The following SLC25A6 variants were observed in gnomAD, a reference collection of about 807,000 sequenced individuals.
The protein encoded by SLC25A6 is solute carrier family 25 member 6, also known as ADP/ATP translocase 3.
Under a neutral mutation model 25.7 loss-of-function variants are expected in SLC25A6, and 9 were observed. That is an observed-to-expected ratio of 0.35 (90% confidence interval 0.21 to 0.61). The LOEUF is 0.61. SLC25A6 is among the 20% of genes least tolerant of loss of function. SLC25A6 has a pLI of 0.76. For synonymous variants in SLC25A6, 223 were observed against 197.0 expected (o/e 1.13, Z -1.11); for missense variants, 404 against 440.5 (o/e 0.92, Z 0.74).
In SLC25A6 at chrX:1,386,591, G is replaced by A. The variant is rs1842172628; in HGVS notation, c.*11C>T. ...CTGGTGTGTGTGTGTGTGTGGAGGAGGCCGCGGCCCTTAGATCACCTTCTT... is the reference window on the plus strand; with the variant it reads ...CTGGTGTGTGTGTGTGTGTGGAGGAAGCCGCGGCCCTTAGATCACCTTCTT... On this transcript the variant is annotated 3_prime_UTR_variant, in exon 4 of 4. Transcript: ENST00000381401. 6.5e-7 allele frequency: 1 copy of A among 1,542,916 alleles called. No homozygotes were observed. The highest frequency in any genetic ancestry group is 1.3e-5 in the South Asian group (1 of 78,952).
At chrX:1,391,767 G>C (rs1399561396) in intron 1 of SLC25A6, 132 bp downstream of exon 1, 5 of 651,200 alleles carry the variant, frequency 7.7e-6, no homozygotes, top group African/African-American at 3.9e-5. Context: ...AGCCGGCGGC[G>C]CGTGGACAAA....
intron 1 of SLC25A6, among the ~76,000 whole-genome samples, chrX:1,391,248 C>A (rs1228233342): frequency 6.6e-6 from 1 of 152,210 alleles, no homozygotes; most frequent in Non-Finnish European, 1.5e-5. Context: ...CGGGCGTGAC[C>A]TGTCCTTGCA....
In SLC25A6 at chrX:1,387,300, T is replaced by A. The variant is rs755639289; in HGVS notation, c.718A>T (p.Met240Leu). The change falls in exon 3 of 4, where the codon ATG becomes TTG. Residue 240 changes from methionine (M) to leucine (L), a missense_variant. Coordinates refer to ENST00000381401, the MANE Select transcript of SLC25A6 (RefSeq NM_001636.4). Reference protein sequence around the residue: ...PFDTVRRRMMMQSGRKGADIM... With the variant: ...PFDTVRRRMMLQSGRKGADIM... ...GTACCTCCTTTGCGCCCGGACTGCA[T>A]CATCATGCGCCGCCGCACCGTGTCG... 2 of 1,612,866 alleles carry A rather than the reference T, an allele frequency of 1.2e-6. No homozygotes were observed. The highest frequency in any genetic ancestry group is 1.7e-6 in the Non-Finnish European group (2 of 1,179,684).
At chrX:1,389,173 C>A in intron 2 of SLC25A6, 68 bp downstream of exon 2, 1 of 1,544,902 alleles carries the variant, frequency 6.5e-7, no homozygotes, top group Non-Finnish European at 8.8e-7. Flanking sequence ...CTTCAGCCCA[C>A]AGGACCCTGG....
chrX:1,390,368 T>G (rs2089385677), intron 1 of SLC25A6: 1 of 153,668 alleles, frequency 6.5e-6, no homozygotes, highest in Non-Finnish European at 1.4e-5. Flanking sequence ...GAGGCTGAGG[T>G]GGGTGGATCA....
rs765839745 is a variant in SLC25A6, at chrX:1,386,396, G to A, written c.*206C>T. On this transcript the variant is annotated 3_prime_UTR_variant, in exon 4 of 4. Coordinates refer to ENST00000381401, the MANE Select transcript of SLC25A6 (RefSeq NM_001636.4). ...GGACGCCACGGTTCCCTCCCACCCC[G>A]TGATCAAGACACGGAATCGGCTGCC... 1.5e-5 allele frequency: 9 copies of A among 601,736 alleles called. No homozygotes were observed. The highest frequency in any genetic ancestry group is 6.8e-5 in the East Asian group (2 of 29,432). 37.3% of individuals were successfully genotyped at this position (601,736 alleles called of 1,614,324 possible). A position where few individuals can be genotyped will look rare whatever the true frequency, so the allele number is the denominator to read the frequency against.
At chrX:1,390,382 C>T (rs1286438447) in intron 1 of SLC25A6, 36 of 154,090 alleles carry the variant, frequency 2.3e-4, no homozygotes, top group Admixed American at 5.1e-4. Flanking sequence ...TGGATCACGA[C>T]GTCAGGAGAT....
intron 2 of SLC25A6, 53 bp downstream of exon 2, chrX:1,389,188 A>G (rs1253081982): frequency 6.4e-7 from 1 of 1,574,128 alleles, no homozygotes; most frequent in African/African-American, 1.3e-5. Context: ...CCCTGGGGGA[A>G]CGTCTGTGTG....
rs73624899 is a variant in SLC25A6 at position 1,387,048 on chromosome X, T to A, written c.739+231A>T. On this transcript the variant is annotated intron_variant, in intron 3 of 3. Coordinates refer to ENST00000381401, the MANE Select transcript of SLC25A6 (RefSeq NM_001636.4). ...CGAGGGTGTGGGTGCAACCAGAGGT[T>A]CTAGGAGGCGGGGATTTAGAAACTG... 5.1e-3 allele frequency among the ~76,000 whole-genome samples: 782 copies of A among 152,078 alleles called. 5 individuals carry two copies. Among genetic ancestry groups the A allele is most frequent in the African/African-American group, 0.018 (746 of 41,488 alleles).
chrX:1,387,622 C>T (rs1358755932), intron 2 of SLC25A6, among the ~76,000 whole-genome samples: 9 of 152,190 alleles, frequency 5.9e-5, no homozygotes, highest in Non-Finnish European at 1.2e-4. Flanking sequence ...AAAAGGCCGC[C>T]TGCCACCTAC....
At position 1,392,063 on chromosome X, in the gene SLC25A6, G is replaced by C. The variant is rs1603449734; in HGVS notation, c.-54C>G. 18 of 1,341,338 alleles carry C rather than the reference G, an allele frequency of 1.3e-5. No homozygotes were observed. The highest frequency in any genetic ancestry group is 3.9e-5 in the Admixed American group (2 of 51,578). The allele number at this position is 1,341,338 out of a possible 1,614,324, so 83.1% of individuals were successfully genotyped here. On this transcript the variant is annotated 5_prime_UTR_variant, in exon 1 of 4. Transcript: ENST00000381401. ...GACAGCCGGAGAACGGGCGCGGAGA[G>C]TGAATGGAGGGCGTCGCTGGCTCAG...
Position 1,386,593 on chromosome X carries a change from C to A in SLC25A6, c.*9G>T. 1 of 1,544,556 alleles carries A rather than the reference C, an allele frequency of 6.5e-7. No individual in the cohort carries two copies. Among genetic ancestry groups the A allele is most frequent in the Non-Finnish European group, 8.7e-7 (1 of 1,149,528 alleles). ...GGTGTGTGTGTGTGTGTGGAGGAGG[C>A]CGCGGCCCTTAGATCACCTTCTTGA... On this transcript the variant is annotated 3_prime_UTR_variant, in exon 4 of 4. Transcript: ENST00000381401.
Position 1,386,680 on chromosome X carries a change from A to G in SLC25A6, c.819T>C (p.Gly273=). 1 of 1,612,870 alleles carries G rather than the reference A, an allele frequency of 6.2e-7. No individual in the cohort carries two copies. The highest frequency in any genetic ancestry group is 8.5e-7 in the Non-Finnish European group (1 of 1,179,424). Residue 273 remains glycine (G), a synonymous_variant, in exon 4 of 4, where the codon GGT becomes GGC. Transcript: ENST00000381401. ...RDEGGKAFFK[G]AWSNVLRGMG... is the part of the protein sequence containing the mutation. ...TGCCCCGCAGGACGTTGGACCACGC[A>G]CCCTTGAAGAAGGCCTTGCCCCCCT...
At position 1,391,426 on chromosome X, in the gene SLC25A6, G is replaced by A. The variant is rs182553717; in HGVS notation, c.111+473C>T. On this transcript the variant is annotated intron_variant, in intron 1 of 3. Coordinates refer to ENST00000381401, the MANE Select transcript of SLC25A6 (RefSeq NM_001636.4). ...AATTGCACAAATGAGCTAAGAAGGG[G>A]GTAAGAACCACCAATAACCATATCC... is the stretch of plus-strand genomic sequence containing the variant. Among the ~76,000 whole-genome samples, 781 of 152,278 alleles carry A rather than the reference G, an allele frequency of 5.1e-3. 6 individuals carry two copies. Among genetic ancestry groups the A allele is most frequent in the African/African-American group, 0.018 (743 of 41,560 alleles).
At position 1,386,698 on chromosome X, in the gene SLC25A6, GC is replaced by G. The variant is rs1286342483; in HGVS notation, c.800del (p.Gly267AlafsTer31). Reference sequence around the variant, plus strand: ...ACCACGCACCCTTGAAGAAGGCCTTGCCCCCCTCATCTCTGAAGATCTTCCT... The same window carrying G: ...ACCACGCACCCTTGAAGAAGGCCTTGCCCCCTCATCTCTGAAGATCTTCCT... ...CWRKIFRDEG[G>X]KAFFKGAWSN... On this transcript the variant is annotated frameshift_variant, in exon 4 of 4. Transcript: ENST00000381401. LOFTEE classifies it high-confidence loss of function. 1.2e-6 allele frequency: 2 copies of G among 1,612,566 alleles called. No homozygotes were observed. The highest frequency in any genetic ancestry group is 1.1e-5 in the South Asian group (1 of 90,922).
At chrX:1,386,928 A>C (rs1378388434) in intron 3 of SLC25A6, among the ~76,000 whole-genome samples, 169 bp from the exon 4 acceptor site, 2 of 151,998 alleles carry the variant, frequency 1.3e-5, no homozygotes, top group African/African-American at 4.8e-5. Context: ...CCTCCTCCTA[A>C]GCCACTGTCT....
intron 2 of SLC25A6, among the ~76,000 whole-genome samples, chrX:1,388,278 G>A (rs1187241705): frequency 6.6e-6 from 1 of 150,560 alleles, no homozygotes; most frequent in East Asian, 2.0e-4. Context: ...ATCAATGTCT[G>A]TTGTTTACAG....
At chrX:1,391,498 T>C (rs1319599259) in intron 1 of SLC25A6, among the ~76,000 whole-genome samples, 3 of 152,202 alleles carry the variant, frequency 2.0e-5, no homozygotes, top group Non-Finnish European at 4.4e-5. Context: ...CCTATTGGCC[T>C]TAGAATTACC....
rs765070954 is a variant in SLC25A6, at chrX:1,386,647, G to A, written c.852C>T (p.Gly284=). The change falls in exon 4 of 4, where the codon GGC becomes GGT. Residue 284 remains glycine (G), a synonymous_variant. Coordinates refer to ENST00000381401, the MANE Select transcript of SLC25A6 (RefSeq NM_001636.4). ...AWSNVLRGMG[G]AFVLVLYDEL... ...CGTCGTACAGGACCAGCACGAAGGCGCCCCCCATGCCCCGCAGGACGTTGG... is the reference window on the plus strand; with the variant it reads ...CGTCGTACAGGACCAGCACGAAGGCACCCCCCATGCCCCGCAGGACGTTGG... 2.7e-5 allele frequency: 43 copies of A among 1,596,450 alleles called. No homozygotes were observed. Among genetic ancestry groups the A allele is most frequent in the South Asian group, 9.1e-5 (8 of 88,110 alleles).
Sources: gnomAD v4.1 joint callset for allele counts (sites outside exome capture counted in the v4.1 genomes callset) on GRCh38, gnomAD v4.1.1 for gene constraint, MANE v1.5 for transcripts, NCBI Gene and HGNC (gene_info 2026-07-23, HGNC 2026-07-21) for gene names.